MSANTD1: variants seen among roughly 807,000 people sequenced by gnomAD.
MSANTD1 encodes Myb/SANT DNA binding domain containing 1, also known as myb/SANT-like DNA-binding domain-containing protein 1.
A neutral mutation model predicts 24.2 loss-of-function variants in MSANTD1; 7 were observed. That is an observed-to-expected ratio of 0.29 (90% CI 0.16 to 0.54). The LOEUF (loss-of-function observed/expected upper bound fraction) is 0.54, where lower values mean the gene tolerates loss of function less well. Ranked by LOEUF, MSANTD1 falls within the 20% of genes least tolerant of loss-of-function variation. The pLI is 0.94. For missense variants in MSANTD1, 384 were observed against 408.2 expected (o/e 0.94, Z 0.51); for synonymous variants, 177 against 181.1 (o/e 0.98, Z 0.18).
upstream of MSANTD1, among the ~76,000 whole-genome samples, chr4:3,245,719 G>T (rs191047870): frequency 6.6e-6 from 1 of 152,348 alleles, no homozygotes; most frequent in East Asian, 1.9e-4. Flanking sequence ...AGGCTCTGCA[G>T]CCCCAGCAGC....
At position 3,249,411 on chromosome 4, in the gene MSANTD1, C is replaced by G. The variant is rs754323777; in HGVS notation, c.189C>G (p.Asp63Glu). The change falls in exon 1 of 3, where the codon GAC becomes GAG. Residue 63 changes from aspartate to glutamate, a missense_variant. Transcript: ENST00000438480. ...GLMLVWEEFF[D>E]ELKQTKRNAK... ...TGCTGGTCTGGGAGGAGTTCTTCGA[C>G]GAGCTCAAGCAGACCAAGCGCAACG... 1.2e-6 allele frequency: 2 copies of G among 1,603,650 alleles called. No homozygotes were observed. The highest frequency in any genetic ancestry group is 1.7e-6 in the Non-Finnish European group (2 of 1,176,496).
intron 2 of MSANTD1, 37 bp downstream of exon 2, chr4:3,253,519 A>G (rs1181813996): frequency 1.8e-5 from 26 of 1,456,002 alleles, no homozygotes; most frequent in Non-Finnish European, 2.1e-5. Flanking sequence ...GCCCTGGGGT[A>G]TCTCAGCCCC....
At position 3,249,271 on chromosome 4, in the gene MSANTD1, C is replaced by A. The variant is rs571601687; in HGVS notation, c.49C>A (p.Pro17Thr). The A allele has an allele frequency of 3.5e-5, 52 of 1,506,012 alleles. No individual in the cohort carries two copies. In the South Asian group the frequency reaches 6.5e-4, roughly 19 times the overall value. The allele number at this position is 1,506,012 out of a possible 1,614,324, so 93.3% of individuals were successfully genotyped here. ...PGPSLSALSH[P>T]TGASGMAAAE... The stretch of plus-strand genomic sequence containing the variant: ...GCCCTCGCTGAGCGCGCTCTCTCAC[C>A]CCACAGGCGCCTCCGGCATGGCGGC... The change falls in exon 1 of 3, where the codon CCC becomes ACC. Residue 17 changes from proline to threonine, a missense_variant. By Grantham distance (38) the Pro-to-Thr change is conservative. Transcript: ENST00000438480.
intron 2 of MSANTD1, 115 bp downstream of exon 2, chr4:3,253,597 G>A (rs1408790261): frequency 6.9e-6 from 8 of 1,165,184 alleles, no homozygotes; most frequent in African/African-American, 3.2e-5. Context: ...TGCAGAGGCC[G>A]TGGCTGCGGG....
intron 1 of MSANTD1, among the ~76,000 whole-genome samples, chr4:3,250,664 A>G (rs967435097): frequency 1.3e-5 from 2 of 152,184 alleles, no homozygotes; most frequent in African/African-American, 4.8e-5. Flanking sequence ...GGCGGCCTGG[A>G]CAGGGCTGGG....
upstream of MSANTD1, among the ~76,000 whole-genome samples, chr4:3,245,817 C>T (rs3025802): frequency 0.014 from 2,056 of 152,294 alleles, 55 homozygotes; most frequent in African/African-American, 0.047. Context: ...CCAGTGTGGC[C>T]GGCTTTCTCC....
At chr4:3,246,684 C>A (rs1350189801), upstream of MSANTD1, 9 of 696,856 alleles carry the variant, frequency 1.3e-5, no homozygotes, top group Non-Finnish European at 2.1e-5. Context: ...CGAGCCCCTC[C>A]CCAGCAGGGG....
intron 1 of MSANTD1, among the ~76,000 whole-genome samples, chr4:3,250,639 G>A (rs956264515): frequency 3.3e-5 from 5 of 152,218 alleles, no homozygotes. Context: ...GCAGCAGAGA[G>A]CACCCGGCCC....
upstream of MSANTD1, chr4:3,247,978 G>A (rs1235434558): frequency 1.3e-5 from 2 of 152,308 alleles, no homozygotes; most frequent in African/African-American, 4.8e-5. Flanking sequence ...GCCCACACCT[G>A]AGAGTCTCCT....
chr4:3,249,594 G>A (rs1722156491), intron 1 of MSANTD1, 52 bp downstream of exon 1: 2 of 1,507,192 alleles, frequency 1.3e-6, no homozygotes, highest in Non-Finnish European at 1.8e-6. Context: ...CCCGGGCGTG[G>A]CGGGCCGCTC....
In MSANTD1 at chr4:3,249,653, G is replaced by A. The variant is rs977300095; in HGVS notation, c.320+111G>A. ...CGGGACGATGTGTGGGTCGTGGCCT[G>A]CCTGTCGGTCTCCTCTGGCCGGGTA... On this transcript the variant is annotated intron_variant, in intron 1 of 2. Coordinates refer to ENST00000438480, the MANE Select transcript of MSANTD1 (RefSeq NM_001042690.2). 4.0e-5 allele frequency: 44 copies of A among 1,110,294 alleles called. No homozygotes were observed. The Admixed American group carries it at 9.1e-4, about 23-fold the overall frequency. 68.8% of individuals were successfully genotyped at this position (1,110,294 alleles called of 1,614,324 possible). A position where few individuals can be genotyped will look rare whatever the true frequency, so the allele number is the denominator to read the frequency against.
chr4:3,254,026 G>T (rs559799859), intron 2 of MSANTD1, among the ~76,000 whole-genome samples: 2 of 152,350 alleles, frequency 1.3e-5, no homozygotes, highest in African/African-American at 2.4e-5. Flanking sequence ...TGCTGGCCAC[G>T]TGACTGTGCC....
At chr4:3,252,526 GC>G (rs1336478267) in intron 1 of MSANTD1, among the ~76,000 whole-genome samples, 1 of 152,256 alleles carries the variant, frequency 6.6e-6, no homozygotes, top group Admixed American at 6.5e-5. Context: ...TGGCATGGGA[GC>G]CCAGCCTGCT....
upstream of MSANTD1, among the ~76,000 whole-genome samples, chr4:3,247,145 G>A (rs1457891529): frequency 6.6e-6 from 1 of 152,182 alleles, no homozygotes; most frequent in Admixed American, 6.5e-5. Flanking sequence ...GCACGTAGAG[G>A]CCCCATGACC....
upstream of MSANTD1, chr4:3,247,632 T>G (rs1229339728): frequency 6.6e-6 from 1 of 152,342 alleles, no homozygotes; most frequent in Non-Finnish European, 1.5e-5. Context: ...GAGGCCCAGA[T>G]GGAAGGGACT....
At chr4:3,251,338 C>T (rs1397596446) in intron 1 of MSANTD1, among the ~76,000 whole-genome samples, 3 of 152,236 alleles carry the variant, frequency 2.0e-5, no homozygotes, top group Non-Finnish European at 4.4e-5. Flanking sequence ...ATGCTGAAAG[C>T]CTCTTCAGAG....
upstream of MSANTD1, chr4:3,247,924 C>T (rs187790559): frequency 3.9e-5 from 6 of 152,464 alleles, no homozygotes; most frequent in East Asian, 3.9e-4. Flanking sequence ...GGGCAGAGGC[C>T]GAGATGCCTC....
At chr4:3,245,802 G>A (rs56347747), upstream of MSANTD1, among the ~76,000 whole-genome samples, 3 of 152,156 alleles carry the variant, frequency 2.0e-5, no homozygotes, top group Admixed American at 1.3e-4. Context: ...CTCTGGGGGG[G>A]CCCGCCAGTG....
At chr4:3,253,887 C>G (rs185708320) in intron 2 of MSANTD1, among the ~76,000 whole-genome samples, 4 of 152,266 alleles carry the variant, frequency 2.6e-5, no homozygotes, top group Non-Finnish European at 5.9e-5. Flanking sequence ...TTAGCCCACA[C>G]AGACCCCACC....
Sources: allele counts gnomAD v4.1 joint callset (sites outside exome capture counted in the v4.1 genomes callset), GRCh38; gene constraint gnomAD v4.1.1; transcripts MANE v1.5; gene names NCBI Gene and HGNC (gene_info 2026-07-23, HGNC 2026-07-21).